Variants in HS6ST2 observed in about 807,000 individuals in gnomAD.
HS6ST2 encodes the protein heparan sulfate 6-O-sulfotransferase 2, also known as heparan-sulfate 6-O-sulfotransferase 2.
HS6ST2 carries 17 observed loss-of-function variants against 33.0 expected under a neutral mutation model. That is an observed-to-expected ratio of 0.52 (90% CI 0.35 to 0.77). The LOEUF (loss-of-function observed/expected upper bound fraction) is 0.77, where lower values mean the gene tolerates loss of function less well. Ranked by LOEUF, HS6ST2 falls within the 30% of genes least tolerant of loss-of-function variation. HS6ST2 has a pLI of 0.01. For synonymous variants in HS6ST2, 248 were observed against 237.1 expected, an observed-to-expected ratio of 1.05 and a Z score of -0.42; for missense variants, 519 against 551.7, an observed-to-expected ratio of 0.94 and a Z score of 0.59.
intron 2 of HS6ST2, among the ~76,000 whole-genome samples, chrX:132,869,296 C>T (rs993844386): frequency 9.3e-5 from 10 of 107,688 alleles, no homozygotes; most frequent in South Asian, 3.9e-4. Context: ...AGCCTACCAA[C>T]GAAGGACCAG....
intron 2 of HS6ST2, among the ~76,000 whole-genome samples, chrX:132,909,880 T>C (rs950792996): frequency 5.4e-5 from 6 of 111,373 alleles, no homozygotes; most frequent in African/African-American, 2.0e-4. Context: ...ATCACCTCTG[T>C]CCTGTAGCAA....
intron 4 of HS6ST2, among the ~76,000 whole-genome samples, chrX:132,654,926 C>T (rs188845324): frequency 8.5e-4 from 95 of 112,301 alleles, no homozygotes; most frequent in African/African-American, 2.9e-3. Flanking sequence ...GTTGACATTT[C>T]CAGAACTTTT....
chrX:132,670,528 G>T (rs12014442), intron 3 of HS6ST2, among the ~76,000 whole-genome samples: 1 of 112,012 alleles, frequency 8.9e-6, no homozygotes, highest in South Asian at 3.8e-4. Flanking sequence ...GGCTGGGCGC[G>T]GTGGCTCATG....
chrX:132,707,290 C>T (rs2064195577), intron 3 of HS6ST2, among the ~76,000 whole-genome samples: 1 of 112,275 alleles, frequency 8.9e-6, no homozygotes, highest in African/African-American at 3.2e-5. Flanking sequence ...CTCCATGACA[C>T]ACCCAATCTA....
rs146897303 is a variant in HS6ST2 at position 132,806,347 on chromosome X, A to C, written c.948-97853T>G. On this transcript the variant is annotated intron_variant, in intron 2 of 4. Transcript: ENST00000370833. ...CATTTGTCTTACATGGACCTGTGTA[A>C]TTTTTTTTTTTTCTTTTTGTTATGA... Among the ~76,000 whole-genome samples the C allele has an allele frequency of 7.8e-3, 846 of 107,897 alleles. 14 individuals are homozygous for C. Among genetic ancestry groups the C allele is most frequent in the African/African-American group, 0.026 (799 of 30,430 alleles). The allele number at this position is 107,897 out of a possible 115,157, so 93.7% of individuals were successfully genotyped here.
In HS6ST2 at chrX:132,804,931, T is replaced by A. The variant is rs779275315; in HGVS notation, c.948-96437A>T. Among the ~76,000 whole-genome samples, 129 of 112,002 alleles carry A rather than the reference T, an allele frequency of 1.2e-3. 1 individual carries two copies. Among genetic ancestry groups the A allele is most frequent in the Non-Finnish European group, 2.2e-3 (117 of 53,208 alleles). Reference sequence around the variant, plus strand: ...GAGATAGGCAGATTTATACCCTGTATAATATCATCAAAATGGAAGTCCACT... The same window carrying A: ...GAGATAGGCAGATTTATACCCTGTAAAATATCATCAAAATGGAAGTCCACT... On this transcript the variant is annotated intron_variant, in intron 2 of 4. Transcript: ENST00000370833.
At chrX:132,637,860 T>A (rs1337283846) in intron 4 of HS6ST2, among the ~76,000 whole-genome samples, 1 of 36,521 alleles carries the variant, frequency 2.7e-5, no homozygotes, top group Non-Finnish European at 3.9e-5. Context: ...AATATATATA[T>A]AATATATTAT....
intron 2 of HS6ST2, among the ~76,000 whole-genome samples, chrX:132,832,532 C>G (rs780694877): frequency 8.9e-6 from 1 of 111,776 alleles, no homozygotes; most frequent in African/African-American, 3.2e-5. Context: ...TTTTCTCTTA[C>G]TTTTTAAATT....
At chrX:132,868,104 T>C (rs1281704991) in intron 2 of HS6ST2, among the ~76,000 whole-genome samples, 1 of 111,285 alleles carries the variant, frequency 9.0e-6, no homozygotes, top group African/African-American at 3.3e-5. Context: ...ACCAAGTAAA[T>C]GGAAAGTAAA....
chrX:132,837,842 T>C (rs1291353644), intron 2 of HS6ST2, among the ~76,000 whole-genome samples: 2 of 112,018 alleles, frequency 1.8e-5, no homozygotes, highest in Non-Finnish European at 3.8e-5. Context: ...CTGTACTCTG[T>C]GCATTATTTG....
At chrX:132,714,226 C>A (rs921170239) in intron 2 of HS6ST2, among the ~76,000 whole-genome samples, 5 of 111,758 alleles carry the variant, frequency 4.5e-5, no homozygotes, top group Non-Finnish European at 7.5e-5. Flanking sequence ...AAACCCTAGG[C>A]AACCCCATTC....
chrX:132,932,052 G>C (rs144027521), intron 2 of HS6ST2, among the ~76,000 whole-genome samples: 2 of 109,331 alleles, frequency 1.8e-5, no homozygotes, highest in Non-Finnish European at 3.8e-5. Flanking sequence ...CGGGCGTGGT[G>C]GTGGGCGCCT....
intron 2 of HS6ST2, among the ~76,000 whole-genome samples, chrX:132,936,883 A>C (rs2066829410): frequency 9.0e-6 from 1 of 111,594 alleles, no homozygotes; most frequent in Non-Finnish European, 1.9e-5. Flanking sequence ...AAAAAAAGAA[A>C]GAAAATGCAT....
chrX:132,942,817 T>C (rs2066901074), intron 2 of HS6ST2, among the ~76,000 whole-genome samples: 1 of 112,217 alleles, frequency 8.9e-6, no homozygotes, highest in Non-Finnish European at 1.9e-5. Context: ...TAACTGCTAA[T>C]GAGACAAATG....
At chrX:132,700,377 A>T (rs757693572) in intron 3 of HS6ST2, among the ~76,000 whole-genome samples, 2 of 111,044 alleles carry the variant, frequency 1.8e-5, no homozygotes, top group Non-Finnish European at 3.8e-5. Context: ...TCATGGTAGC[A>T]CAGTGACCGT....
intron 2 of HS6ST2, among the ~76,000 whole-genome samples, chrX:132,765,342 T>G (rs1602652813): frequency 8.9e-6 from 1 of 112,991 alleles, no homozygotes; most frequent in Middle Eastern, 4.6e-3. Flanking sequence ...CGTGTGTTAA[T>G]GCAAGGAGAA....
chrX:132,908,909 A>G (rs1350399465), intron 2 of HS6ST2, among the ~76,000 whole-genome samples: 2 of 106,643 alleles, frequency 1.9e-5, no homozygotes, highest in Admixed American at 1.0e-4. Flanking sequence ...GCTGACTTAT[A>G]TATGGGTTTC....
intron 2 of HS6ST2, among the ~76,000 whole-genome samples, chrX:132,817,768 C>T (rs977355090): frequency 8.9e-6 from 1 of 111,950 alleles, no homozygotes; most frequent in Middle Eastern, 4.6e-3. Flanking sequence ...GCCTCAAATC[C>T]CAGTGCTGTC....
chrX:132,876,323 A>T (rs972996158), intron 2 of HS6ST2, among the ~76,000 whole-genome samples: 1 of 112,055 alleles, frequency 8.9e-6, no homozygotes, highest in African/African-American at 3.2e-5. Flanking sequence ...TTACACAGGC[A>T]TCAGGTGCTA....
Sources: allele counts gnomAD v4.1 joint callset (sites outside exome capture counted in the v4.1 genomes callset), GRCh38; gene constraint gnomAD v4.1.1; transcripts MANE v1.5; gene names NCBI Gene and HGNC (gene_info 2026-07-23, HGNC 2026-07-21).